GRID2: variants seen among roughly 807,000 people sequenced by gnomAD.
GRID2 encodes the protein glutamate receptor ionotropic, delta-2.
Under a neutral mutation model 114.8 loss-of-function variants are expected in GRID2, and 33 were observed. The ratio of observed to expected loss-of-function variants is 0.29; its 90% CI spans 0.22 to 0.38. The LOEUF (loss-of-function observed/expected upper bound fraction) is 0.38, where lower values mean the gene tolerates loss of function less well. Ranked by LOEUF, GRID2 falls within the 10% of genes least tolerant of loss-of-function variation. The pLI is 1.00. For missense variants in GRID2, 1,184 were observed against 1,257.7 expected (o/e 0.94, Z 0.89); for synonymous variants, 505 against 449.9 (o/e 1.12, Z -1.55).
intron 13 of GRID2, among the ~76,000 whole-genome samples, chr4:93,581,402 A>G (rs1172692304): frequency 1.3e-5 from 2 of 152,184 alleles, no homozygotes; most frequent in Non-Finnish European, 2.9e-5. Flanking sequence ...CTCCATGTTC[A>G]TCAATTAATC....
At chr4:93,302,093 GA>G (rs957488532) in intron 8 of GRID2, among the ~76,000 whole-genome samples, 1 of 152,010 alleles carries the variant, frequency 6.6e-6, no homozygotes, top group African/African-American at 2.4e-5. Context: ...TTTCAAAGAA[GA>G]AAAAATATGT....
At chr4:93,397,845 T>C (rs759938102) in intron 9 of GRID2, among the ~76,000 whole-genome samples, 9 of 151,930 alleles carry the variant, frequency 5.9e-5, no homozygotes, top group Non-Finnish European at 1.3e-4. Context: ...AAATGCTATG[T>C]AAGTAGTGGC....
intron 8 of GRID2, among the ~76,000 whole-genome samples, chr4:93,271,719 T>G (rs1751485237): frequency 6.6e-6 from 1 of 152,030 alleles, no homozygotes; most frequent in South Asian, 2.1e-4. Context: ...TAAGGAAAAA[T>G]TAACCCAGCA....
At chr4:93,633,448 T>C (rs879914471) in intron 14 of GRID2, among the ~76,000 whole-genome samples, 1 of 152,094 alleles carries the variant, frequency 6.6e-6, no homozygotes, top group Non-Finnish European at 1.5e-5. Context: ...GCTCCTTGAG[T>C]TCACACGTGT....
Position 93,042,722 on chromosome 4 carries a change from T to G in GRID2, c.245-42273T>G, listed in dbSNP as rs146903309. On this transcript the variant is annotated intron_variant, in intron 2 of 15. Coordinates refer to ENST00000282020, the MANE Select transcript of GRID2 (RefSeq NM_001510.4). ...ATATATGCATATATATATAGATATATAGAGAGAGAGATAGAGAGATAAAAT... is the reference window on the plus strand; with the variant it reads ...ATATATGCATATATATATAGATATAGAGAGAGAGAGATAGAGAGATAAAAT... 2.1e-3 allele frequency among the ~76,000 whole-genome samples: 303 copies of G among 146,106 alleles called. 2 individuals carry two copies. The highest frequency in any genetic ancestry group is 0.011 in the East Asian group (54 of 4,916).
chr4:92,951,109 T>C lies in GRID2; in HGVS notation c.245-133886T>C, dbSNP rs532816746. On this transcript the variant is annotated intron_variant, in intron 2 of 15. Transcript: ENST00000282020. Reference sequence around the variant, plus strand: ...GAAATTAAGGACTAGAACCACACTATCTATTAGAAGTACATATATTCTATG... The same window carrying C: ...GAAATTAAGGACTAGAACCACACTACCTATTAGAAGTACATATATTCTATG... 1.1e-4 allele frequency among the ~76,000 whole-genome samples: 17 copies of C among 152,228 alleles called. 1 individual carries two copies. The highest frequency in any genetic ancestry group is 4.1e-4 in the African/African-American group (17 of 41,564).
intron 12 of GRID2, among the ~76,000 whole-genome samples, chr4:93,506,880 C>G (rs1728683250): frequency 6.6e-6 from 1 of 152,134 alleles, no homozygotes; most frequent in Non-Finnish European, 1.5e-5. Flanking sequence ...ACTCTGGCAC[C>G]ATAACAGGAA....
Position 92,364,750 on chromosome 4 carries a change from C to T in GRID2, c.88+60006C>T, listed in dbSNP as rs866995885. The stretch of plus-strand genomic sequence containing the variant: ...ACAAAGGGAAAATATTTACTTATTT[C>T]GTCTGGATTTCTGCCATAGGCTATG... On this transcript the variant is annotated intron_variant, in intron 1 of 15. Transcript: ENST00000282020. Among the ~76,000 whole-genome samples the T allele has an allele frequency of 4.5e-4, 68 of 151,860 alleles. 1 individual carries two copies. The highest frequency in any genetic ancestry group is 4.6e-4 in the Admixed American group (7 of 15,202).
At chr4:92,812,120 T>C (rs1262016412) in intron 2 of GRID2, among the ~76,000 whole-genome samples, 2 of 152,182 alleles carry the variant, frequency 1.3e-5, no homozygotes, top group African/African-American at 4.8e-5. Context: ...TGAACATTGT[T>C]TTTAGCAATA....
At chr4:92,621,894 A>G (rs370606376) in intron 2 of GRID2, among the ~76,000 whole-genome samples, 45 of 151,986 alleles carry the variant, frequency 3.0e-4, no homozygotes, top group African/African-American at 9.1e-4. Context: ...AAATTTTCTG[A>G]AGAAAGAGAA....
intron 2 of GRID2, among the ~76,000 whole-genome samples, chr4:92,901,221 C>T (rs1267325989): frequency 6.6e-6 from 1 of 152,194 alleles, no homozygotes; most frequent in Non-Finnish European, 1.5e-5. Flanking sequence ...CTTTTCTCCA[C>T]ATCCTTGCCA....
At chr4:92,366,016 A>G (rs1728843827) in intron 1 of GRID2, among the ~76,000 whole-genome samples, 1 of 152,244 alleles carries the variant, frequency 6.6e-6, no homozygotes, top group South Asian at 2.1e-4. Flanking sequence ...TAAGTTCATA[A>G]CAAATGTTGG....
At chr4:92,459,095 A>G (rs550534149) in intron 1 of GRID2, among the ~76,000 whole-genome samples, 52 of 152,306 alleles carry the variant, frequency 3.4e-4, no homozygotes, top group African/African-American at 1.2e-3. Flanking sequence ...AATTGTCATC[A>G]TGCATACATT....
chr4:93,765,140 A>C (rs1322969728), intron 14 of GRID2, among the ~76,000 whole-genome samples: 1 of 152,158 alleles, frequency 6.6e-6, no homozygotes, highest in Non-Finnish European at 1.5e-5. Context: ...GCTTTACATA[A>C]TCTTTAAATT....
At chr4:93,419,996 G>A (rs2149364177) in intron 9 of GRID2, among the ~76,000 whole-genome samples, 1 of 152,164 alleles carries the variant, frequency 6.6e-6, no homozygotes, top group East Asian at 1.9e-4. Flanking sequence ...ATCGAAGAGT[G>A]TTATTCAACT....
chr4:92,960,329 G>T (rs1221745907), intron 2 of GRID2, among the ~76,000 whole-genome samples: 1 of 151,978 alleles, frequency 6.6e-6, no homozygotes, highest in African/African-American at 2.4e-5. Flanking sequence ...TTTCCTGCCT[G>T]TTGGACCTGT....
intron 2 of GRID2, among the ~76,000 whole-genome samples, chr4:92,813,800 T>C (rs1740759584): frequency 6.6e-6 from 1 of 152,132 alleles, no homozygotes; most frequent in Admixed American, 6.6e-5. Flanking sequence ...AGGAAACGTA[T>C]TTTGAGGTGA....
At chr4:93,551,658 C>G (rs1257659191) in intron 13 of GRID2, among the ~76,000 whole-genome samples, 1 of 152,148 alleles carries the variant, frequency 6.6e-6, no homozygotes, top group Non-Finnish European at 1.5e-5. Flanking sequence ...GACTCTAAAG[C>G]CTGTAACTCT....
intron 8 of GRID2, among the ~76,000 whole-genome samples, chr4:93,247,559 T>G (rs542984587): frequency 3.5e-4 from 54 of 152,178 alleles, no homozygotes; most frequent in African/African-American, 1.3e-3. Context: ...TTCTCGGGCC[T>G]TACACCCAGA....
Sources: gnomAD v4.1 joint callset for allele counts (sites outside exome capture counted in the v4.1 genomes callset) on GRCh38, gnomAD v4.1.1 for gene constraint, MANE v1.5 for transcripts, NCBI Gene and HGNC (gene_info 2026-07-23, HGNC 2026-07-21) for gene names.